PLEKHA2: variants seen among roughly 807,000 people sequenced by gnomAD.
PLEKHA2 encodes pleckstrin homology domain-containing family A member 2.
In PLEKHA2, 28 loss-of-function variants were observed where a neutral mutation model predicts 53.2. The observed-to-expected ratio is 0.53, with a 90% CI of 0.39 to 0.72. The LOEUF is 0.72. Ranked by LOEUF, PLEKHA2 falls within the 30% of genes least tolerant of loss-of-function variation. The pLI, the probability that PLEKHA2 is intolerant of heterozygous loss-of-function variation, is 0.00. For missense variants in PLEKHA2, 426 were observed against 537.9 expected (o/e 0.79, Z 2.06); for synonymous variants, 193 against 196.4 (o/e 0.98, Z 0.14).
At chr8:38,959,878 A>G (rs1275454214) in intron 10 of PLEKHA2, among the ~76,000 whole-genome samples, 1 of 152,220 alleles carries the variant, frequency 6.6e-6, no homozygotes, top group Non-Finnish European at 1.5e-5. Context: ...GTTGAGAGGA[A>G]ACACAAGGTT....
chr8:38,917,881 C>T lies in PLEKHA2; in HGVS notation c.-23-26C>T, dbSNP rs369504781. ...GGCAGAGCTGCTTCATCTTCCTTCTCATCAGCACCTCCCTCCTGCGCGCAG... is the reference window on the plus strand; with the variant it reads ...GGCAGAGCTGCTTCATCTTCCTTCTTATCAGCACCTCCCTCCTGCGCGCAG... On this transcript the variant is annotated intron_variant, in intron 1 of 11. Coordinates refer to ENST00000617275, the MANE Select transcript of PLEKHA2 (RefSeq NM_021623.2). 70 of 1,598,526 alleles carry T rather than the reference C, an allele frequency of 4.4e-5. No homozygotes were observed. In the African/African-American group the frequency reaches 8.6e-4, roughly 20 times the overall value.
chr8:38,904,656 T>C (rs1306455696), intron 1 of PLEKHA2, among the ~76,000 whole-genome samples: 4 of 152,310 alleles, frequency 2.6e-5, no homozygotes, highest in Admixed American at 2.6e-4. Flanking sequence ...GGAGAATTTT[T>C]AGAGATGTAA....
intron 10 of PLEKHA2, among the ~76,000 whole-genome samples, chr8:38,966,281 C>T (rs1835133779): frequency 1.5e-5 from 2 of 135,508 alleles, no homozygotes; most frequent in African/African-American, 2.9e-5. Context: ...TGATAGAATG[C>T]AAAGAGGAGG....
intron 5 of PLEKHA2, among the ~76,000 whole-genome samples, chr8:38,947,479 C>G (rs1041898005): frequency 6.6e-6 from 1 of 151,962 alleles, no homozygotes; most frequent in Non-Finnish European, 1.5e-5. Context: ...AAAAATTAGC[C>G]AGGCCTGGTG....
chr8:38,954,454 G>A (rs572425005), intron 9 of PLEKHA2, among the ~76,000 whole-genome samples: 1 of 152,262 alleles, frequency 6.6e-6, no homozygotes, highest in South Asian at 2.1e-4. Context: ...AGACCACCTG[G>A]GCACATGGGG....
At chr8:38,921,667 A>G (rs905931531) in intron 2 of PLEKHA2, among the ~76,000 whole-genome samples, 3 of 152,150 alleles carry the variant, frequency 2.0e-5, no homozygotes, top group Non-Finnish European at 4.4e-5. Flanking sequence ...CTGCTAGCTG[A>G]GCTCTCAGGG....
intron 10 of PLEKHA2, among the ~76,000 whole-genome samples, chr8:38,959,700 A>G (rs1376979274): frequency 2.0e-5 from 3 of 152,238 alleles, no homozygotes; most frequent in Non-Finnish European, 4.4e-5. Context: ...GAATGAGGGT[A>G]GATGGAGAAA....
rs751694615 is a variant in PLEKHA2 at position 38,968,583 on chromosome 8, G to A, written c.838-9G>A. ...AAATTTCTTGGTAAGAGCCATGGAT[G>A]TTTTGCAGGCAGACAGTCCAGAAGA... On this transcript the variant is annotated splice_polypyrimidine_tract_variant and intron_variant, in intron 10 of 11. Transcript: ENST00000617275. 1.4e-5 allele frequency: 22 copies of A among 1,613,882 alleles called. 1 individual carries two copies. In the South Asian group the frequency reaches 1.5e-4, roughly 11 times the overall value.
intron 2 of PLEKHA2, among the ~76,000 whole-genome samples, chr8:38,920,326 A>AT (rs890049175): frequency 2.4e-4 from 36 of 150,118 alleles, no homozygotes; most frequent in East Asian, 1.4e-3. Flanking sequence ...AATTTTTTGT[A>AT]TTTTTTTTTA....
At chr8:38,960,480 A>C (rs1835021958) in intron 10 of PLEKHA2, among the ~76,000 whole-genome samples, 1 of 152,058 alleles carries the variant, frequency 6.6e-6, no homozygotes, top group Admixed American at 6.6e-5. Flanking sequence ...CCCTTTAAAG[A>C]CCTTGTCTCA....
chr8:38,930,898 A>G lies in PLEKHA2; in HGVS notation c.142-5096A>G, dbSNP rs895399434. 5.3e-5 allele frequency among the ~76,000 whole-genome samples: 8 copies of G among 152,188 alleles called. No individual in the cohort carries two copies. In the East Asian group the frequency reaches 1.5e-3, roughly 29 times the overall value. ...CTGGAAGCACATGGAATCCCTTGGG[A>G]GCTCTGGAAACAGGCAGGTGCCTGG... On this transcript the variant is annotated intron_variant, in intron 2 of 11. Coordinates refer to ENST00000617275, the MANE Select transcript of PLEKHA2 (RefSeq NM_021623.2).
chr8:38,909,320 A>G (rs1406464036), intron 1 of PLEKHA2, among the ~76,000 whole-genome samples: 1 of 152,024 alleles, frequency 6.6e-6, no homozygotes, highest in Non-Finnish European at 1.5e-5. Context: ...GGGTATGAAC[A>G]TTTTTTGCTT....
chr8:38,916,832 T>C (rs1479217013), intron 1 of PLEKHA2, among the ~76,000 whole-genome samples: 1 of 152,240 alleles, frequency 6.6e-6, no homozygotes, highest in Non-Finnish European at 1.5e-5. Flanking sequence ...TTTTTAGTTT[T>C]TTGAGGAATC....
intron 9 of PLEKHA2, among the ~76,000 whole-genome samples, chr8:38,956,749 A>C (rs1214575831): frequency 6.6e-6 from 1 of 152,168 alleles, no homozygotes; most frequent in Non-Finnish European, 1.5e-5. Flanking sequence ...GTCTCAAAAA[A>C]ATAAATAAAT....
At position 38,922,641 on chromosome 8, in the gene PLEKHA2, T is replaced by C. The variant is rs1177196797; in HGVS notation, c.141+4571T>C. 6.6e-6 allele frequency among the ~76,000 whole-genome samples: 1 copy of C among 152,226 alleles called. No individual in the cohort carries two copies. Among genetic ancestry groups the C allele is most frequent in the Non-Finnish European group, 1.5e-5 (1 of 68,038 alleles). On this transcript the variant is annotated intron_variant, in intron 2 of 11. Transcript: ENST00000617275. The surrounding 1 kb of genome is among the most constrained non-coding windows in gnomAD (Gnocchi z 4.0). Reference sequence around the variant, plus strand: ...TAAGCAGAAGATTTTTGGACCCAGGTCTCCGATCTTTGTGTGTTGAAGCCA... The same window carrying C: ...TAAGCAGAAGATTTTTGGACCCAGGCCTCCGATCTTTGTGTGTTGAAGCCA...
chr8:38,958,426 C>CT lies in PLEKHA2; in HGVS notation c.837+1043dup, dbSNP rs200838979. 9.8e-3 allele frequency among the ~76,000 whole-genome samples: 1,497 copies of CT among 152,358 alleles called. 27 individuals are homozygous for CT. Among genetic ancestry groups the CT allele is most frequent in the African/African-American group, 0.035 (1,439 of 41,582 alleles). ...TAAAGCTTTTCAAGCTCCCGCTGCC[C>CT]TTTCTTCTGGGCCTCGAGTGTCACT... On this transcript the variant is annotated intron_variant, in intron 10 of 11. Coordinates refer to ENST00000617275, the MANE Select transcript of PLEKHA2 (RefSeq NM_021623.2).
chr8:38,947,963 G>A (rs11990327), intron 5 of PLEKHA2, among the ~76,000 whole-genome samples: 27,871 of 151,420 alleles, frequency 0.18, 2,972 homozygotes, highest in Non-Finnish European at 0.25. Flanking sequence ...GGCATGCACC[G>A]TAATCCCAGC....
chr8:38,919,210 G>A (rs1834135792), intron 2 of PLEKHA2, among the ~76,000 whole-genome samples: 1 of 152,214 alleles, frequency 6.6e-6, no homozygotes, highest in Non-Finnish European at 1.5e-5. Context: ...ATCTTGGCAA[G>A]GACATGGTCA....
rs1834868409 is a variant in PLEKHA2 at position 38,952,680 on chromosome 8, C to T, written c.678C>T (p.Thr226=). Residue 226 remains threonine, a synonymous_variant, in exon 8 of 12, where the codon ACC becomes ACT. Transcript: ENST00000617275. The part of the protein sequence containing the change: ...KRRFFALDDF[T]ICYFKCEQDR... ...GCTTCTTTGCACTTGATGACTTTAC[C>T]ATCTGCTACTTCAAGTGTGAGCAGG... The T allele has an allele frequency of 1.2e-6, 2 of 1,611,896 alleles. No homozygotes were observed. The highest frequency in any genetic ancestry group is 1.7e-6 in the Non-Finnish European group (2 of 1,179,808).
Sources: gnomAD v4.1 joint callset for allele counts (sites outside exome capture counted in the v4.1 genomes callset) on GRCh38, gnomAD v4.1.1 for gene constraint, Gnocchi (gnomAD v3.1) non-coding constraint, MANE v1.5 for transcripts, NCBI Gene and HGNC (gene_info 2026-07-23, HGNC 2026-07-21) for gene names.